KHDRBS2: variants seen among roughly 807,000 people sequenced by gnomAD.
KHDRBS2 encodes KH RNA binding domain containing, signal transduction associated 2.
KHDRBS2 carries 26 observed loss-of-function variants against 44.3 expected under a neutral mutation model. That is an observed-to-expected ratio of 0.59 (90% CI 0.43 to 0.81). The LOEUF (loss-of-function observed/expected upper bound fraction) is 0.81, where lower values mean the gene tolerates loss of function less well. Among genes scored for constraint, KHDRBS2 ranks in the 40% least tolerant of loss-of-function variants. The probability of loss-of-function intolerance (pLI) is 0.00; values close to 1 mark genes in which losing one functional copy is unlikely to be tolerated. For missense variants in KHDRBS2, 476 were observed against 433.1 expected (o/e 1.10, Z -0.88); for synonymous variants, 194 against 151.1 (o/e 1.28, Z -2.08).
the KHDRBS2 span, among the ~76,000 whole-genome samples, chr6:61,647,256 T>C: frequency 2.0e-5 from 3 of 152,206 alleles, no homozygotes; most frequent in Admixed American, 6.5e-5. Flanking sequence ...TCTGAAAATA[T>C]GTTTACTGAG....
chr6:62,193,271 T>C (rs1368794244), intron 1 of KHDRBS2, among the ~76,000 whole-genome samples: 1 of 152,068 alleles, frequency 6.6e-6, no homozygotes, highest in Non-Finnish European at 1.5e-5. Context: ...AAATCTTATA[T>C]GGTCCCTTTG....
chr6:61,625,660 C>T, the KHDRBS2 span, among the ~76,000 whole-genome samples: 8 of 152,206 alleles, frequency 5.3e-5, no homozygotes, highest in South Asian at 4.1e-4. Context: ...CTCCTCTTTT[C>T]TTCTCTGTTT....
intron 2 of KHDRBS2, among the ~76,000 whole-genome samples, chr6:62,120,165 T>A (rs1158839815): frequency 6.6e-6 from 1 of 152,166 alleles, no homozygotes; most frequent in Non-Finnish European, 1.5e-5. Context: ...TTTATTTGCT[T>A]GGTTAGCTGA....
the KHDRBS2 span, among the ~76,000 whole-genome samples, chr6:61,555,015 T>A: frequency 6.6e-6 from 1 of 151,510 alleles, no homozygotes; most frequent in Non-Finnish European, 1.5e-5. Flanking sequence ...TTCACAGGGG[T>A]TTTTTTTGCA....
Position 61,743,793 on chromosome 6 carries a change from CA to C in KHDRBS2, c.811-11030del, listed in dbSNP as rs1256527281. The stretch of plus-strand genomic sequence containing the variant: ...CTATCCCCCCCCTCCCCCCACCCCA[CA>C]ACAGTCCCCGGTGTGTGATGTTCCC... On this transcript the variant is annotated intron_variant, in intron 6 of 8. Coordinates refer to ENST00000281156, the MANE Select transcript of KHDRBS2 (RefSeq NM_152688.4). Among the ~76,000 whole-genome samples, 72 of 142,922 alleles carry C rather than the reference CA, an allele frequency of 5.0e-4. 1 individual carries two copies. Among genetic ancestry groups the C allele is most frequent in the Non-Finnish European group, 1.8e-4 (12 of 66,338 alleles). 93.8% of individuals were successfully genotyped at this position (142,922 alleles called of 152,430 possible).
chr6:61,939,252 T>G (rs1280040883), intron 4 of KHDRBS2, among the ~76,000 whole-genome samples: 1 of 152,108 alleles, frequency 6.6e-6, no homozygotes, highest in East Asian at 1.9e-4. Flanking sequence ...AACATAGTTA[T>G]GTATAGACAC....
chr6:61,858,491 C>T (rs1311109960), intron 6 of KHDRBS2, among the ~76,000 whole-genome samples: 1 of 151,702 alleles, frequency 6.6e-6, no homozygotes, highest in Non-Finnish European at 1.5e-5. Context: ...TGTTTTTGAC[C>T]CTTGTAAAGA....
At chr6:62,034,705 A>C (rs1216820372) in intron 3 of KHDRBS2, among the ~76,000 whole-genome samples, 7 of 151,260 alleles carry the variant, frequency 4.6e-5, no homozygotes, top group East Asian at 1.9e-4. Context: ...AAAAAAAAAA[A>C]AAAAAAAAAA....
intron 4 of KHDRBS2, among the ~76,000 whole-genome samples, chr6:61,967,625 G>A (rs1770330256): frequency 6.6e-6 from 1 of 151,890 alleles, no homozygotes; most frequent in Admixed American, 6.6e-5. Context: ...CAAGAAAGCA[G>A]AGTGGAGGTA....
At chr6:61,791,427 T>G (rs1249676121) in intron 6 of KHDRBS2, among the ~76,000 whole-genome samples, 5 of 151,588 alleles carry the variant, frequency 3.3e-5, no homozygotes, top group Non-Finnish European at 7.4e-5. Context: ...CGTGTAAGAT[T>G]TTTATTATCA....
chr6:61,879,856 AT>A (rs1799960751), intron 6 of KHDRBS2, among the ~76,000 whole-genome samples: 2 of 151,846 alleles, frequency 1.3e-5, no homozygotes, highest in Non-Finnish European at 2.9e-5. Context: ...AACATTATAT[AT>A]CTTTATCTTC....
intron 6 of KHDRBS2, among the ~76,000 whole-genome samples, chr6:61,856,429 G>A (rs1230985841): frequency 6.6e-6 from 1 of 152,074 alleles, no homozygotes; most frequent in East Asian, 1.9e-4. Context: ...AGAGGGTGGA[G>A]TCTGAAGAAA....
intron 1 of KHDRBS2, among the ~76,000 whole-genome samples, chr6:62,226,576 T>C (rs1356801111): frequency 6.6e-6 from 1 of 152,224 alleles, no homozygotes; most frequent in East Asian, 1.9e-4. Flanking sequence ...TTGTTACCAT[T>C]ACTTTTGGTG....
intron 2 of KHDRBS2, among the ~76,000 whole-genome samples, chr6:62,078,711 A>C (rs2127352583): frequency 6.6e-6 from 1 of 152,126 alleles, no homozygotes; most frequent in East Asian, 1.9e-4. Flanking sequence ...TCTATAGCTA[A>C]GATCTAATAT....
At chr6:62,273,021 A>C in intron 1 of KHDRBS2, among the ~76,000 whole-genome samples, 1 of 152,184 alleles carries the variant, frequency 6.6e-6, no homozygotes, top group East Asian at 1.9e-4. Flanking sequence ...AAAGGGATAC[A>C]TAAGTTAAAG....
chr6:61,824,004 T>A lies in KHDRBS2; in HGVS notation c.810+70631A>T, dbSNP rs564406965. ...AAACCAAACAGAAAATATTTACTTT[T>A]ATCTTCAGAGTTTTCCCAAAAGAAA... On this transcript the variant is annotated intron_variant, in intron 6 of 8. Transcript: ENST00000281156. 5.4e-4 allele frequency among the ~76,000 whole-genome samples: 82 copies of A among 152,258 alleles called. No individual in the cohort carries two copies. The Middle Eastern group carries it at 0.01, about 19-fold the overall frequency.
the KHDRBS2 span, among the ~76,000 whole-genome samples, chr6:61,665,360 G>A: frequency 6.6e-6 from 1 of 151,350 alleles, no homozygotes; most frequent in African/African-American, 2.4e-5. Flanking sequence ...ATATTTTTAA[G>A]TGTAAGAGGA....
chr6:62,053,801 A>G (rs1404495165), intron 2 of KHDRBS2, among the ~76,000 whole-genome samples: 1 of 152,146 alleles, frequency 6.6e-6, no homozygotes, highest in East Asian at 1.9e-4. Flanking sequence ...TGCCATTTAT[A>G]TAATTATATA....
chr6:61,561,237 C>T, the KHDRBS2 span, among the ~76,000 whole-genome samples: 1 of 152,152 alleles, frequency 6.6e-6, no homozygotes, highest in Non-Finnish European at 1.5e-5. Context: ...CTGTCTCTCT[C>T]CTGAGCTGCC....
Sources: gnomAD v4.1 joint callset for allele counts (sites outside exome capture counted in the v4.1 genomes callset) on GRCh38, gnomAD v4.1.1 for gene constraint, MANE v1.5 for transcripts, NCBI Gene and HGNC (gene_info 2026-07-23, HGNC 2026-07-21) for gene names.